The following CLSTN2 variants were observed in gnomAD, a reference collection of about 807,000 sequenced individuals.
The protein encoded by CLSTN2 is calsyntenin-2.
A neutral mutation model predicts 101.2 loss-of-function variants in CLSTN2; 48 were observed. The observed-to-expected ratio is 0.47, with a 90% confidence interval of 0.38 to 0.60. CLSTN2 has a LOEUF of 0.60. Ranked by LOEUF, CLSTN2 falls within the 20% of genes least tolerant of loss-of-function variation. The pLI, the probability that CLSTN2 is intolerant of heterozygous loss-of-function variation, is 0.00. For synonymous variants in CLSTN2, 481 were observed against 463.6 expected (o/e 1.04, Z -0.48); for missense variants, 1,160 against 1,238.2 (o/e 0.94, Z 0.95).
At chr3:139,975,961 A>G (rs1030475577) in intron 1 of CLSTN2, among the ~76,000 whole-genome samples, 2 of 152,246 alleles carry the variant, frequency 1.3e-5, no homozygotes, top group Non-Finnish European at 2.9e-5. Flanking sequence ...GTACTAGTAC[A>G]GAGAGACTCA....
chr3:140,528,636 CA>C (rs3057900), intron 8 of CLSTN2, among the ~76,000 whole-genome samples: 5 of 148,984 alleles, frequency 3.4e-5, no homozygotes, highest in African/African-American at 5.1e-5. Context: ...GTGCCTCTGA[CA>C]AAAAAAAGAT....
intron 2 of CLSTN2, among the ~76,000 whole-genome samples, chr3:140,179,422 G>A (rs1444979952): frequency 8.7e-5 from 13 of 149,616 alleles, no homozygotes; most frequent in East Asian, 2.0e-4. Context: ...GTTTGATACC[G>A]GCCTGGGAAA....
At chr3:140,040,609 G>A (rs970808824) in intron 1 of CLSTN2, among the ~76,000 whole-genome samples, 4 of 151,906 alleles carry the variant, frequency 2.6e-5, no homozygotes, top group Admixed American at 6.6e-5. Flanking sequence ...AATTCTGCCC[G>A]GGGTCTGAAT....
chr3:140,396,146 T>C (rs2088179883), intron 2 of CLSTN2, among the ~76,000 whole-genome samples: 1 of 152,152 alleles, frequency 6.6e-6, no homozygotes, highest in Admixed American at 6.5e-5. Context: ...GTGAATGCCA[T>C]TAGCAATTCC....
chr3:140,162,748 C>T (rs926402128), intron 1 of CLSTN2, among the ~76,000 whole-genome samples: 8 of 152,116 alleles, frequency 5.3e-5, no homozygotes, highest in African/African-American at 1.9e-4. Flanking sequence ...ATTGGCCTGC[C>T]AGTGCTTTCT....
At position 140,562,974 on chromosome 3, in the gene CLSTN2, T is replaced by C. The variant is rs969572474; in HGVS notation, c.2358+18T>C. The C allele has an allele frequency of 1.9e-6, 3 of 1,613,492 alleles. No individual in the cohort carries two copies. Among genetic ancestry groups the C allele is most frequent in the African/African-American group, 1.3e-5 (1 of 74,898 alleles). On this transcript the variant is annotated intron_variant, in intron 14 of 16. Coordinates refer to ENST00000458420, the MANE Select transcript of CLSTN2 (RefSeq NM_022131.3). ...ACTTGGAGGTGAGTGGGTCCTGCCA[T>C]TGTTAGGGAAGCCAAGGCTCACCCA...
At chr3:140,352,549 C>T (rs1576528321) in intron 2 of CLSTN2, among the ~76,000 whole-genome samples, 1 of 152,322 alleles carries the variant, frequency 6.6e-6, no homozygotes, top group East Asian at 1.9e-4. Flanking sequence ...ATGTACGTTA[C>T]AGTAGAGCTG....
At chr3:140,091,287 C>G (rs1236827218) in intron 1 of CLSTN2, among the ~76,000 whole-genome samples, 1 of 152,080 alleles carries the variant, frequency 6.6e-6, no homozygotes, top group Non-Finnish European at 1.5e-5. Context: ...AAGAGCATAC[C>G]CTTGGTAATA....
chr3:140,289,797 C>T (rs891997986), intron 2 of CLSTN2, among the ~76,000 whole-genome samples: 6 of 151,632 alleles, frequency 4.0e-5, no homozygotes, highest in African/African-American at 1.5e-4. Context: ...AAAATATAAC[C>T]CTGCCAATAA....
At chr3:140,338,835 C>A (rs2087466480) in intron 2 of CLSTN2, among the ~76,000 whole-genome samples, 1 of 152,204 alleles carries the variant, frequency 6.6e-6, no homozygotes, top group Admixed American at 6.5e-5. Flanking sequence ...ACCCTCCTTG[C>A]CCCCTTATAG....
chr3:140,254,718 T>C (rs9861773), intron 2 of CLSTN2, among the ~76,000 whole-genome samples: 48,256 of 151,986 alleles, frequency 0.32, 9,301 homozygotes, highest in East Asian at 0.67. Context: ...TCTAAAACTG[T>C]ACAAACCCTA....
At chr3:140,138,423 G>A (rs1488115616) in intron 1 of CLSTN2, among the ~76,000 whole-genome samples, 1 of 152,284 alleles carries the variant, frequency 6.6e-6, no homozygotes, top group East Asian at 1.9e-4. Context: ...CAGTGCTTAG[G>A]GAAAAGCATC....
chr3:140,089,043 A>G (rs2008725604), intron 1 of CLSTN2, among the ~76,000 whole-genome samples: 1 of 152,206 alleles, frequency 6.6e-6, no homozygotes, highest in Admixed American at 6.5e-5. Flanking sequence ...TGGAACTAAA[A>G]ATGTAAGTAT....
chr3:140,033,825 T>A (rs1174969364), intron 1 of CLSTN2, among the ~76,000 whole-genome samples: 1 of 152,206 alleles, frequency 6.6e-6, no homozygotes, highest in Non-Finnish European at 1.5e-5. Context: ...ACCTTTCATA[T>A]CCTTAAAGGG....
intron 2 of CLSTN2, among the ~76,000 whole-genome samples, chr3:140,313,240 C>G (rs927544515): frequency 5.9e-5 from 9 of 152,160 alleles, no homozygotes; most frequent in Admixed American, 1.3e-4. Flanking sequence ...TCCTAAATTT[C>G]ATGCTGCTTA....
chr3:140,456,403 A>T (rs760417015), intron 6 of CLSTN2, among the ~76,000 whole-genome samples: 1 of 152,210 alleles, frequency 6.6e-6, no homozygotes, highest in Non-Finnish European at 1.5e-5. Context: ...ATGAGTAACT[A>T]AAAAGCATGT....
chr3:140,490,070 G>A (rs769194167), intron 8 of CLSTN2, among the ~76,000 whole-genome samples: 70 of 328 alleles, frequency 0.21, 13 homozygotes, highest in East Asian at 0.83. Flanking sequence ...GTGTGTGTGT[G>A]TGTGTGTGTG....
At chr3:140,537,893 G>T (rs981732727) in intron 9 of CLSTN2, among the ~76,000 whole-genome samples, 3 of 152,158 alleles carry the variant, frequency 2.0e-5, no homozygotes, top group Non-Finnish European at 4.4e-5. Flanking sequence ...AGTCAGGTAG[G>T]CTGCTGGTTG....
chr3:140,342,749 C>G (rs1000798441), intron 2 of CLSTN2, among the ~76,000 whole-genome samples: 4 of 152,250 alleles, frequency 2.6e-5, no homozygotes, highest in African/African-American at 7.2e-5. Context: ...TTGTCCAAAG[C>G]TGTCTCCATG....
Sources: gnomAD v4.1 joint callset for allele counts (sites outside exome capture counted in the v4.1 genomes callset) on GRCh38, gnomAD v4.1.1 for gene constraint, MANE v1.5 for transcripts, NCBI Gene and HGNC (gene_info 2026-07-23, HGNC 2026-07-21) for gene names.